LRPPRC: variants seen among roughly 807,000 people sequenced by gnomAD.
LRPPRC encodes leucine rich pentatricopeptide repeat containing, also known as leucine-rich PPR motif-containing protein, mitochondrial.
Under a neutral mutation model 180.3 loss-of-function variants are expected in LRPPRC, and 120 were observed. That is an observed-to-expected ratio of 0.67 (90% CI 0.57 to 0.77). The LOEUF is 0.77. Among genes scored for constraint, LRPPRC ranks in the 30% least tolerant of loss-of-function variants. The probability of loss-of-function intolerance (pLI) is 0.00; values close to 1 mark genes in which losing one functional copy is unlikely to be tolerated. For synonymous variants in LRPPRC, 723 were observed against 600.0 expected, an observed-to-expected ratio of 1.21 and a Z score of -3.00; for missense variants, 2,012 against 1,657.2, an observed-to-expected ratio of 1.21 and a Z score of -3.72.
At chr2:43,960,728 T>G (rs1673314817) in intron 12 of LRPPRC, 94 bp from the exon 13 acceptor site, 1 of 765,396 alleles carries the variant, frequency 1.3e-6, no homozygotes, top group African/African-American at 1.7e-5. Context: ...TGAATCACCA[T>G]ATTCTCTGAT....
intron 11 of LRPPRC, among the ~76,000 whole-genome samples, chr2:43,969,195 A>T (rs543551601): frequency 6.6e-6 from 1 of 152,068 alleles, no homozygotes; most frequent in Non-Finnish European, 1.5e-5. Flanking sequence ...GGTGGATCAC[A>T]AGGTCAGGAG....
intron 29 of LRPPRC, among the ~76,000 whole-genome samples, chr2:43,914,486 G>A (rs1447403388): frequency 6.6e-6 from 1 of 152,178 alleles, no homozygotes; most frequent in African/African-American, 2.4e-5. Context: ...CCAGCACTTT[G>A]GGAGGCCAAA....
At position 43,898,321 on chromosome 2, in the gene LRPPRC, T is replaced by C. The variant is rs551188664; in HGVS notation, c.3825+898A>G. ...ACTGGAGGTCAAGCACATGGGTAGT[T>C]TTACCTTCCCTATCTACTACTTAAG... On this transcript the variant is annotated intron_variant, in intron 34 of 37. Transcript: ENST00000260665. Among the ~76,000 whole-genome samples the C allele has an allele frequency of 1.6e-4, 25 of 152,264 alleles. No homozygotes were observed. The South Asian group carries it at 5.2e-3, about 32-fold the overall frequency.
chr2:43,982,257 A>G lies in LRPPRC; in HGVS notation c.327T>C (p.Phe109=). ...RIPKKLLQKV[F]NDTCRSGGLG... is the part of the protein sequence containing the mutation. The stretch of plus-strand genomic sequence containing the variant: ...AAATACCTGAGCGGCAGGTATCATT[A>G]AAAACTTTTTGTAGAAGCTTCTTTG... Residue 109 remains phenylalanine (F), a synonymous_variant, in exon 2 of 38, where the codon TTT becomes TTC. Transcript: ENST00000260665. 5 of 1,572,916 alleles carry G rather than the reference A, an allele frequency of 3.2e-6. No homozygotes were observed. Among genetic ancestry groups the G allele is most frequent in the Non-Finnish European group, 4.3e-6 (5 of 1,163,736 alleles).
chr2:43,963,418 T>C lies in LRPPRC; in HGVS notation c.1488+170A>G. 3 of 652,392 alleles carry C rather than the reference T, an allele frequency of 4.6e-6. No individual in the cohort carries two copies. In the South Asian group the frequency reaches 5.4e-5, roughly 12 times the overall value. 40.4% of individuals were successfully genotyped at this position (652,392 alleles called of 1,614,324 possible). A position where few individuals can be genotyped will look rare whatever the true frequency, so the allele number is the denominator to read the frequency against. ...AAGATTGTGCCATTGCACTCCTGCCTGGGCAATGAGAGAGAAACTCCATCT... is the reference window on the plus strand; with the variant it reads ...AAGATTGTGCCATTGCACTCCTGCCCGGGCAATGAGAGAGAAACTCCATCT... On this transcript the variant is annotated intron_variant, in intron 12 of 37. Transcript: ENST00000260665.
chr2:43,912,911 C>T (rs148118425), intron 29 of LRPPRC, among the ~76,000 whole-genome samples: 66 of 152,180 alleles, frequency 4.3e-4, no homozygotes, highest in South Asian at 1.5e-3. Context: ...CAAAATAAAT[C>T]GCAAAATGTG....
At chr2:43,962,600 A>G (rs1489240098) in intron 12 of LRPPRC, among the ~76,000 whole-genome samples, 2 of 152,188 alleles carry the variant, frequency 1.3e-5, no homozygotes, top group Admixed American at 6.5e-5. Flanking sequence ...GGAAAACGCA[A>G]CCTTTGCTAA....
At chr2:43,950,293 T>C (rs1170965822) in intron 15 of LRPPRC, among the ~76,000 whole-genome samples, 2 of 152,054 alleles carry the variant, frequency 1.3e-5, no homozygotes, top group East Asian at 1.9e-4. Flanking sequence ...ACGTGTGCCA[T>C]GGTGGTCGGC....
chr2:43,925,045 GA>G, intron 27 of LRPPRC, 21 bp downstream of exon 27: 1 of 1,286,344 alleles, frequency 7.8e-7, no homozygotes, highest in East Asian at 2.3e-5. Flanking sequence ...ATGAAAGCGT[GA>G]AGAATAGTTA....
chr2:43,929,456 G>A (rs1672006859), intron 25 of LRPPRC, among the ~76,000 whole-genome samples: 1 of 152,034 alleles, frequency 6.6e-6, no homozygotes, highest in Non-Finnish European at 1.5e-5. Flanking sequence ...TACGTTTTAT[G>A]GTAGCAAATA....
At chr2:43,918,460 AT>A in intron 27 of LRPPRC, 62 bp from the exon 28 acceptor site, 1 of 1,205,918 alleles carries the variant, frequency 8.3e-7, no homozygotes. Context: ...ACACAAAAAT[AT>A]TTAGAACTTT....
chr2:43,935,097 C>T (rs1672230035), intron 23 of LRPPRC, among the ~76,000 whole-genome samples: 1 of 152,100 alleles, frequency 6.6e-6, no homozygotes, highest in African/African-American at 2.4e-5. Flanking sequence ...CCACTATTTA[C>T]CCTGCTTCAT....
At position 43,974,638 on chromosome 2, in the gene LRPPRC, T is replaced by C. The variant is rs759575362; in HGVS notation, c.985A>G (p.Thr329Ala). 19 of 1,602,690 alleles carry C rather than the reference T, an allele frequency of 1.2e-5. No individual in the cohort carries two copies. The highest frequency in any genetic ancestry group is 1.7e-5 in the Admixed American group (1 of 59,930). Residue 329 changes from threonine to alanine, a missense_variant, in exon 8 of 38, where the codon ACA (threonine) becomes GCA (alanine). Physicochemically the swap from Thr to Ala is moderately conservative, Grantham distance 58. Transcript: ENST00000260665. ...QYVSEILEKV[T>A]CERRYIPDAM... ...CCTGGAATATATCTTCTTTCACATG[T>C]AACTTTTTCCAAAATTTCTGAGACA...
intron 12 of LRPPRC, among the ~76,000 whole-genome samples, chr2:43,961,483 T>C (rs533607654): frequency 1.3e-5 from 2 of 152,298 alleles, no homozygotes; most frequent in South Asian, 2.1e-4. Flanking sequence ...CTAAAAGAGA[T>C]TTCTCCAGCC....
chr2:43,974,411 T>C (rs1044839979), intron 8 of LRPPRC, 116 bp from the exon 9 acceptor site: 2 of 861,340 alleles, frequency 2.3e-6, no homozygotes, highest in Admixed American at 2.0e-5. Flanking sequence ...AGCATATAAC[T>C]GCCTAAATAA....
intron 25 of LRPPRC, 105 bp from the exon 26 acceptor site, chr2:43,926,066 ATATAC>A: frequency 5.6e-6 from 4 of 713,026 alleles, no homozygotes; most frequent in Non-Finnish European, 1.0e-5. Context: ...TGCCAAATAT[ATATAC>A]TAAACTTATA....
intron 27 of LRPPRC, among the ~76,000 whole-genome samples, chr2:43,924,538 T>A (rs1250032725): frequency 6.6e-6 from 1 of 152,220 alleles, no homozygotes; most frequent in Non-Finnish European, 1.5e-5. Flanking sequence ...AGTATATCTA[T>A]GTAGTATATA....
intron 13 of LRPPRC, 40 bp from the exon 14 acceptor site, chr2:43,957,491 C>T: frequency 6.8e-7 from 1 of 1,463,248 alleles, no homozygotes; most frequent in South Asian, 1.1e-5. Flanking sequence ...TCAGACCAAA[C>T]AAATTTAAAA....
chr2:43,987,911 G>C (rs1486321337), intron 1 of LRPPRC, among the ~76,000 whole-genome samples: 1 of 151,938 alleles, frequency 6.6e-6, no homozygotes, highest in Non-Finnish European at 1.5e-5. Context: ...TAATAAATTA[G>C]ACCTTTAAAA....
Sources: allele counts gnomAD v4.1 joint callset (sites outside exome capture counted in the v4.1 genomes callset), GRCh38; gene constraint gnomAD v4.1.1; transcripts MANE v1.5; gene names NCBI Gene and HGNC (gene_info 2026-07-23, HGNC 2026-07-21).